Variants in TRABD2B observed in about 807,000 individuals in gnomAD.
TRABD2B encodes the protein TraB domain containing 2B.
In TRABD2B, 14 loss-of-function variants were observed where a neutral mutation model predicts 40.1. That is an observed-to-expected ratio of 0.35 (90% CI 0.23 to 0.55). TRABD2B has a LOEUF of 0.55. Ranked by LOEUF, TRABD2B falls within the 20% of genes least tolerant of loss-of-function variation. The pLI is 0.90. For synonymous variants in TRABD2B, 263 were observed against 277.0 expected, an observed-to-expected ratio of 0.95 and a Z score of 0.50; for missense variants, 541 against 648.6, an observed-to-expected ratio of 0.83 and a Z score of 1.80.
At chr1:47,853,796 A>G (rs545145690) in intron 2 of TRABD2B, among the ~76,000 whole-genome samples, 2 of 152,342 alleles carry the variant, frequency 1.3e-5, no homozygotes, top group Non-Finnish European at 2.9e-5. Flanking sequence ...CTAGAAAACC[A>G]TAACAAGACT....
chr1:47,821,502 T>C (rs1345470806), intron 2 of TRABD2B, among the ~76,000 whole-genome samples: 2 of 152,180 alleles, frequency 1.3e-5, no homozygotes, highest in African/African-American at 2.4e-5. Flanking sequence ...AGGAACCCGA[T>C]TGTTTCTCCA....
At chr1:47,988,534 G>A (rs115899428) in intron 2 of TRABD2B, among the ~76,000 whole-genome samples, 2,237 of 152,246 alleles carry the variant, frequency 0.015, 51 homozygotes, top group African/African-American at 0.05. Flanking sequence ...AGCCTGTGCC[G>A]TGACAGGCTG....
intron 2 of TRABD2B, among the ~76,000 whole-genome samples, chr1:47,880,726 T>C (rs1366909387): frequency 6.6e-6 from 1 of 152,228 alleles, no homozygotes; most frequent in Non-Finnish European, 1.5e-5. Flanking sequence ...TCTGGCACTG[T>C]CTGAGTCCTG....
At chr1:47,961,080 T>C (rs1423762723) in intron 2 of TRABD2B, among the ~76,000 whole-genome samples, 5 of 152,180 alleles carry the variant, frequency 3.3e-5, no homozygotes, top group Non-Finnish European at 7.3e-5. Flanking sequence ...CATCTGACCT[T>C]TGACAAACCT....
chr1:47,874,213 C>T (rs894034055), intron 2 of TRABD2B, among the ~76,000 whole-genome samples: 1 of 150,942 alleles, frequency 6.6e-6, no homozygotes, highest in Admixed American at 6.6e-5. Context: ...ATTCTGTTCC[C>T]TAACTCCCAG....
At chr1:47,856,141 T>C (rs1027480731) in intron 2 of TRABD2B, among the ~76,000 whole-genome samples, 5 of 152,234 alleles carry the variant, frequency 3.3e-5, no homozygotes, top group African/African-American at 1.2e-4. Context: ...CTGTTCAGCC[T>C]GGATGAGTGG....
chr1:47,833,223 C>G (rs527392625), intron 2 of TRABD2B, among the ~76,000 whole-genome samples: 2 of 152,172 alleles, frequency 1.3e-5, no homozygotes, highest in Admixed American at 6.5e-5. Context: ...CTTGATCTGA[C>G]TCCTGATTTG....
chr1:47,821,230 T>A (rs1176614973), intron 2 of TRABD2B, among the ~76,000 whole-genome samples: 1 of 152,218 alleles, frequency 6.6e-6, no homozygotes, highest in African/African-American at 2.4e-5. Flanking sequence ...GTGGCTGTTC[T>A]GTATAAGGCT....
chr1:47,767,510 T>C (rs1644320925), intron 6 of TRABD2B, among the ~76,000 whole-genome samples: 1 of 152,192 alleles, frequency 6.6e-6, no homozygotes, highest in South Asian at 2.1e-4. Context: ...TTGGACCTCA[T>C]GACAACACTG....
intron 2 of TRABD2B, among the ~76,000 whole-genome samples, chr1:47,989,644 A>T (rs1459600031): frequency 6.6e-6 from 1 of 152,070 alleles, no homozygotes; most frequent in African/African-American, 2.4e-5. Context: ...CTATTTTAGA[A>T]TCACCTTGAG....
chr1:47,866,656 C>A (rs1360529597), intron 2 of TRABD2B, among the ~76,000 whole-genome samples: 1 of 152,158 alleles, frequency 6.6e-6, no homozygotes, highest in Non-Finnish European at 1.5e-5. Context: ...AAGGCATGCG[C>A]TGGAATGAGG....
chr1:47,850,354 G>A (rs891548513), intron 2 of TRABD2B, among the ~76,000 whole-genome samples: 2 of 152,248 alleles, frequency 1.3e-5, no homozygotes, highest in African/African-American at 2.4e-5. Flanking sequence ...ACCAGGAGGA[G>A]TATATGCAAG....
intron 2 of TRABD2B, 149 bp from the exon 3 acceptor site, chr1:47,801,768 G>A: frequency 1.0e-6 from 1 of 981,460 alleles, no homozygotes; most frequent in Non-Finnish European, 1.5e-6. Context: ...CAGGCTGTGT[G>A]TTTCCAGTTT....
At chr1:47,983,348 G>A (rs888276804) in intron 2 of TRABD2B, among the ~76,000 whole-genome samples, 8 of 152,122 alleles carry the variant, frequency 5.3e-5, no homozygotes, top group East Asian at 1.9e-4. Flanking sequence ...AGGTTAGGAG[G>A]AAGGAGAGAA....
In TRABD2B at chr1:47,996,993, A is replaced by C; in HGVS notation, c.-204T>G. ...GGGCTCCGTCTGTTGGAAGAGGGAGACCCTCTAGGGCTGGGCCCCTCCCCC... is the reference window on the plus strand; with the variant it reads ...GGGCTCCGTCTGTTGGAAGAGGGAGCCCCTCTAGGGCTGGGCCCCTCCCCC... On this transcript the variant is annotated 5_prime_UTR_variant, in exon 1 of 7. Coordinates refer to ENST00000606738, the MANE Select transcript of TRABD2B (RefSeq NM_001194986.2). This position sits in a 1 kb window ranked among gnomAD's most constrained non-coding sequence, Gnocchi z 4.6. 9.2e-7 allele frequency: 1 copy of C among 1,087,108 alleles called. No homozygotes were observed. The highest frequency in any genetic ancestry group is 1.1e-6 in the Non-Finnish European group (1 of 897,828). The allele number at this position is 1,087,108 out of a possible 1,614,324, so 67.3% of individuals were successfully genotyped here.
chr1:47,840,308 G>A (rs1206028756), intron 2 of TRABD2B, among the ~76,000 whole-genome samples: 1 of 152,174 alleles, frequency 6.6e-6, no homozygotes, highest in African/African-American at 2.4e-5. Context: ...GGCCCCCAGA[G>A]GTACGTATCA....
chr1:47,930,825 A>G (rs1386208929), intron 2 of TRABD2B, among the ~76,000 whole-genome samples: 1 of 152,068 alleles, frequency 6.6e-6, no homozygotes, highest in Non-Finnish European at 1.5e-5. Flanking sequence ...CCCAGAAAGG[A>G]AAAGGGACTG....
At chr1:47,860,196 T>C (rs1301872241) in intron 2 of TRABD2B, among the ~76,000 whole-genome samples, 1 of 152,232 alleles carries the variant, frequency 6.6e-6, no homozygotes, top group African/African-American at 2.4e-5. Context: ...CCTTCATTCC[T>C]GCTGTTTCCC....
chr1:47,847,421 C>T (rs1645487206), intron 2 of TRABD2B, among the ~76,000 whole-genome samples: 1 of 152,174 alleles, frequency 6.6e-6, no homozygotes, highest in African/African-American at 2.4e-5. Context: ...CAGTGGCTGG[C>T]ATGGGTCATT....
Sources: gnomAD v4.1 joint callset for allele counts (sites outside exome capture counted in the v4.1 genomes callset) on GRCh38, gnomAD v4.1.1 for gene constraint, Gnocchi (gnomAD v3.1) non-coding constraint, MANE v1.5 for transcripts, NCBI Gene and HGNC (gene_info 2026-07-23, HGNC 2026-07-21) for gene names.